PRKN: variants seen among roughly 807,000 people sequenced by gnomAD.
PRKN encodes the protein E3 ubiquitin-protein ligase parkin.
A neutral mutation model predicts 59.5 loss-of-function variants in PRKN; 56 were observed. The observed-to-expected ratio is 0.94, with a 90% CI of 0.76 to 1.18. The LOEUF is 1.18. Among genes scored for constraint, PRKN ranks in the 50% most tolerant of loss-of-function variants. The probability of loss-of-function intolerance (pLI) is 0.00; values close to 1 mark genes in which losing one functional copy is unlikely to be tolerated. For synonymous variants in PRKN, 250 were observed against 222.1 expected (o/e 1.13, Z -1.12); for missense variants, 657 against 596.4 (o/e 1.10, Z -1.06).
chr6:161,707,615 T>A (rs1376368764), intron 7 of PRKN, among the ~76,000 whole-genome samples: 1 of 152,238 alleles, frequency 6.6e-6, no homozygotes, highest in East Asian at 1.9e-4. Flanking sequence ...TAAAAAATTC[T>A]TAGTAGTATC....
intron 1 of PRKN, chr6:162,624,713 G>GT (rs1368053465): frequency 1.3e-5 from 2 of 152,122 alleles, no homozygotes; most frequent in East Asian, 1.9e-4. Context: ...TGTTTGTTCG[G>GT]TTTTTTGTAG....
At chr6:161,596,698 G>A (rs1019851624) in intron 7 of PRKN, among the ~76,000 whole-genome samples, 2 of 152,170 alleles carry the variant, frequency 1.3e-5, no homozygotes, top group African/African-American at 2.4e-5. Context: ...CTGTCTGGAA[G>A]GAGAGTTACA....
chr6:162,178,617 C>T (rs551541542), intron 4 of PRKN, among the ~76,000 whole-genome samples: 144 of 152,290 alleles, frequency 9.5e-4, no homozygotes, highest in African/African-American at 3.2e-3. Context: ...GATATTGTCA[C>T]GTGCTGCCAA....
intron 1 of PRKN, among the ~76,000 whole-genome samples, chr6:162,532,320 A>T (rs568298187): frequency 2.1e-4 from 32 of 152,318 alleles, no homozygotes; most frequent in Admixed American, 1.8e-3. Context: ...TATTCCTGTC[A>T]CCTTACAGAG....
intron 3 of PRKN, among the ~76,000 whole-genome samples, chr6:162,205,459 C>T (rs1210186399): frequency 6.7e-6 from 1 of 149,316 alleles, no homozygotes; most frequent in Non-Finnish European, 1.5e-5. Flanking sequence ...TTTTCATTAA[C>T]CTGAGAAGTT....
intron 7 of PRKN, among the ~76,000 whole-genome samples, chr6:161,707,257 A>C (rs1227590092): frequency 6.8e-6 from 1 of 148,068 alleles, no homozygotes; most frequent in Non-Finnish European, 1.5e-5. Context: ...GGTTACATTT[A>C]ATGAATCTGT....
At chr6:161,930,487 C>T (rs1022031384) in intron 6 of PRKN, among the ~76,000 whole-genome samples, 3 of 152,164 alleles carry the variant, frequency 2.0e-5, no homozygotes, top group Admixed American at 1.3e-4. Flanking sequence ...TGCAACAGTT[C>T]TCAGTAGAAT....
At chr6:162,395,999 T>C (rs1460042385) in intron 2 of PRKN, among the ~76,000 whole-genome samples, 2 of 152,194 alleles carry the variant, frequency 1.3e-5, no homozygotes, top group African/African-American at 4.8e-5. Flanking sequence ...GCTCAGTAAA[T>C]GTTGGAGACA....
At chr6:162,327,400 A>C (rs1401893188) in intron 2 of PRKN, among the ~76,000 whole-genome samples, 2 of 152,116 alleles carry the variant, frequency 1.3e-5, no homozygotes, top group Non-Finnish European at 2.9e-5. Flanking sequence ...TTTTCTTTGG[A>C]CTTCACAAAA....
intron 2 of PRKN, among the ~76,000 whole-genome samples, chr6:162,298,500 G>A (rs184640644): frequency 6.6e-6 from 1 of 151,826 alleles, no homozygotes; most frequent in Non-Finnish European, 1.5e-5. Flanking sequence ...GACACACCCT[G>A]GAATTACAGG....
At chr6:161,897,427 A>G (rs1311923423) in intron 6 of PRKN, among the ~76,000 whole-genome samples, 1 of 152,178 alleles carries the variant, frequency 6.6e-6, no homozygotes, top group African/African-American at 2.4e-5. Flanking sequence ...AATCCAAAAA[A>G]TAGCTGCTAA....
intron 7 of PRKN, among the ~76,000 whole-genome samples, chr6:161,623,306 T>G (rs978836383): frequency 1.3e-5 from 2 of 152,160 alleles, no homozygotes; most frequent in Admixed American, 6.5e-5. Context: ...TCTTCAACCA[T>G]GTTTTCCCTT....
At chr6:162,115,305 T>A in intron 4 of PRKN, among the ~76,000 whole-genome samples, 1 of 130,682 alleles carries the variant, frequency 7.7e-6, no homozygotes, top group Non-Finnish European at 1.5e-5. Context: ...TGAGAACACA[T>A]GGACACAGGA....
intron 9 of PRKN, among the ~76,000 whole-genome samples, chr6:161,441,771 C>T (rs1789246633): frequency 6.6e-6 from 1 of 152,168 alleles, no homozygotes; most frequent in African/African-American, 2.4e-5. Flanking sequence ...ATCCCAGGGG[C>T]CTCAGGGTCC....
intron 4 of PRKN, among the ~76,000 whole-genome samples, chr6:162,171,739 C>T (rs190859758): frequency 6.6e-6 from 1 of 152,292 alleles, no homozygotes; most frequent in African/African-American, 2.4e-5. Context: ...CCATTATCTT[C>T]TTCATAATCA....
intron 3 of PRKN, among the ~76,000 whole-genome samples, chr6:162,207,536 A>C (rs1326803949): frequency 1.3e-5 from 2 of 152,134 alleles, no homozygotes; most frequent in Non-Finnish European, 2.9e-5. Flanking sequence ...AAGGTCATGC[A>C]GCCAACCGAT....
intron 4 of PRKN, among the ~76,000 whole-genome samples, chr6:162,197,815 A>C (rs1784553275): frequency 6.6e-6 from 1 of 152,202 alleles, no homozygotes; most frequent in African/African-American, 2.4e-5. Context: ...AAAGGGTATG[A>C]ATTCATGGAG....
intron 7 of PRKN, among the ~76,000 whole-genome samples, chr6:161,690,793 A>T (rs992555434): frequency 6.6e-6 from 1 of 152,088 alleles, no homozygotes; most frequent in African/African-American, 2.4e-5. Flanking sequence ...AATGCACACC[A>T]TTGGCTCTCC....
rs1222941448 is a variant in PRKN at position 161,497,606 on chromosome 6, C to T, written c.1083+51248G>A. Among the ~76,000 whole-genome samples the T allele has an allele frequency of 6.6e-6, 1 of 150,780 alleles. No homozygotes were observed. The highest frequency in any genetic ancestry group is 1.5e-5 in the Non-Finnish European group (1 of 67,648). On this transcript the variant is annotated intron_variant, in intron 9 of 11. Coordinates refer to ENST00000366898, the MANE Select transcript of PRKN (RefSeq NM_004562.3). The surrounding 1 kb of genome is among the most constrained non-coding windows in gnomAD (Gnocchi z 4.6). Reference sequence around the variant, plus strand: ...ACACACACACACACACACCATATCCCACTTACAGACTGAATACTTTGCACC... The same window carrying T: ...ACACACACACACACACACCATATCCTACTTACAGACTGAATACTTTGCACC...
Sources: gnomAD v4.1 joint callset for allele counts (sites outside exome capture counted in the v4.1 genomes callset) on GRCh38, gnomAD v4.1.1 for gene constraint, Gnocchi (gnomAD v3.1) non-coding constraint, MANE v1.5 for transcripts, NCBI Gene and HGNC (gene_info 2026-07-23, HGNC 2026-07-21) for gene names.